The following FSTL5 variants were observed in gnomAD, a reference collection of about 807,000 sequenced individuals.
The protein encoded by FSTL5 is follistatin-related protein 5.
A neutral mutation model predicts 89.1 loss-of-function variants in FSTL5; 62 were observed. The ratio of observed to expected loss-of-function variants is 0.70; its 90% CI spans 0.57 to 0.86. FSTL5 has a LOEUF of 0.86. Ranked by LOEUF, FSTL5 falls within the 40% of genes least tolerant of loss-of-function variation. The pLI, the probability that FSTL5 is intolerant of heterozygous loss-of-function variation, is 0.00. For synonymous variants in FSTL5, 383 were observed against 346.2 expected (o/e 1.11, Z -1.18); for missense variants, 1,057 against 1,001.6 (o/e 1.06, Z -0.75).
intron 4 of FSTL5, among the ~76,000 whole-genome samples, chr4:161,852,500 T>C (rs1412004936): frequency 2.0e-5 from 3 of 152,192 alleles, no homozygotes; most frequent in Non-Finnish European, 4.4e-5. Context: ...GGAATGGTTT[T>C]ACACTGTTGG....
At position 161,731,519 on chromosome 4, in the gene FSTL5, C is replaced by G. The variant is rs544537430; in HGVS notation, c.727+27892G>C. Among the ~76,000 whole-genome samples, 11 of 152,114 alleles carry G rather than the reference C, an allele frequency of 7.2e-5. No homozygotes were observed. In the East Asian group the frequency reaches 2.1e-3, roughly 29 times the overall value. ...TCCTGCTCTGCCTTGGTAAGATGTA[C>G]TAGCTTCCCTTCACCTTTACTATGA... is the stretch of plus-strand genomic sequence containing the variant. On this transcript the variant is annotated intron_variant, in intron 6 of 15. Coordinates refer to ENST00000306100, the MANE Select transcript of FSTL5 (RefSeq NM_020116.5).
chr4:161,950,143 A>C (rs538125182), intron 3 of FSTL5, among the ~76,000 whole-genome samples: 1 of 152,264 alleles, frequency 6.6e-6, no homozygotes, highest in East Asian at 1.9e-4. Flanking sequence ...ATTCAGTTAG[A>C]ATGAATTCAG....
intron 3 of FSTL5, among the ~76,000 whole-genome samples, chr4:161,945,367 A>C (rs1734706733): frequency 6.6e-6 from 1 of 152,212 alleles, no homozygotes; most frequent in African/African-American, 2.4e-5. Flanking sequence ...ACGGCACATA[A>C]GGATTTGACA....
intron 4 of FSTL5, among the ~76,000 whole-genome samples, chr4:161,878,981 T>C (rs528865406): frequency 6.6e-6 from 1 of 152,336 alleles, no homozygotes; most frequent in African/African-American, 2.4e-5. Context: ...ACTTGTCTCC[T>C]AAATGTAAAA....
At chr4:162,094,114 C>T (rs1277835620) in intron 2 of FSTL5, among the ~76,000 whole-genome samples, 1 of 152,122 alleles carries the variant, frequency 6.6e-6, no homozygotes, top group African/African-American at 2.4e-5. Flanking sequence ...AAAGGCTGGG[C>T]ATGGTAACTC....
intron 13 of FSTL5, among the ~76,000 whole-genome samples, chr4:161,476,406 C>T (rs1446477312): frequency 1.5e-4 from 23 of 151,848 alleles, no homozygotes; most frequent in Admixed American, 1.2e-3. Flanking sequence ...AGGTTGGTCT[C>T]GAACTCCTGA....
chr4:161,424,177 C>T (rs918727379), intron 15 of FSTL5, among the ~76,000 whole-genome samples: 2 of 151,450 alleles, frequency 1.3e-5, no homozygotes, highest in African/African-American at 4.9e-5. Context: ...ACGCCCAGCC[C>T]TTTCCTAGTA....
intron 7 of FSTL5, among the ~76,000 whole-genome samples, chr4:161,599,038 C>G (rs981585136): frequency 6.6e-6 from 1 of 151,760 alleles, no homozygotes; most frequent in Non-Finnish European, 1.5e-5. Flanking sequence ...AATACATTAT[C>G]AAAACAGTGA....
intron 4 of FSTL5, among the ~76,000 whole-genome samples, chr4:161,788,302 A>C (rs1741983696): frequency 6.6e-6 from 1 of 152,194 alleles, no homozygotes; most frequent in Admixed American, 6.5e-5. Context: ...GAAGTATACT[A>C]TACATTATTG....
intron 2 of FSTL5, among the ~76,000 whole-genome samples, chr4:162,062,474 C>G (rs1479377537): frequency 3.3e-5 from 5 of 151,730 alleles, no homozygotes; most frequent in African/African-American, 1.2e-4. Context: ...ACCGGCCTTC[C>G]TGCCTTAGAA....
intron 12 of FSTL5, among the ~76,000 whole-genome samples, chr4:161,498,498 A>T (rs1003722082): frequency 6.6e-6 from 1 of 152,150 alleles, no homozygotes. Flanking sequence ...TAAATTTGCA[A>T]ATCAGATTCC....
At chr4:161,508,382 T>C (rs1465180977) in intron 11 of FSTL5, among the ~76,000 whole-genome samples, 2 of 152,144 alleles carry the variant, frequency 1.3e-5, no homozygotes, top group Non-Finnish European at 2.9e-5. Flanking sequence ...AAAAAAAGAC[T>C]TTAATAATTT....
chr4:161,998,598 T>C (rs1398541739), intron 3 of FSTL5, among the ~76,000 whole-genome samples: 1 of 152,158 alleles, frequency 6.6e-6, no homozygotes, highest in African/African-American at 2.4e-5. Context: ...TTGAATGAAG[T>C]CTTCCTTGAC....
chr4:161,605,402 T>G (rs113251267), intron 7 of FSTL5, among the ~76,000 whole-genome samples: 134 of 152,294 alleles, frequency 8.8e-4, no homozygotes, highest in African/African-American at 3.1e-3. Flanking sequence ...CCTAAAGATA[T>G]GTATATCTTA....
intron 10 of FSTL5, among the ~76,000 whole-genome samples, chr4:161,519,188 A>G (rs541989988): frequency 2.4e-4 from 37 of 152,172 alleles, no homozygotes; most frequent in Non-Finnish European, 4.4e-4. Flanking sequence ...AAGAGATTGC[A>G]AGGGTGTGTA....
chr4:161,813,090 A>C (rs112791494), intron 4 of FSTL5, among the ~76,000 whole-genome samples: 14 of 151,228 alleles, frequency 9.3e-5, no homozygotes, highest in African/African-American at 3.4e-4. Flanking sequence ...GCAGTGACGC[A>C]ATCTCGGCTA....
intron 2 of FSTL5, among the ~76,000 whole-genome samples, chr4:162,056,384 G>A (rs1375645390): frequency 6.6e-6 from 1 of 151,562 alleles, no homozygotes; most frequent in Non-Finnish European, 1.5e-5. Flanking sequence ...CTATATTTTA[G>A]CATGCAGGTA....
At chr4:161,402,037 C>T (rs968514457) in intron 15 of FSTL5, among the ~76,000 whole-genome samples, 3 of 151,948 alleles carry the variant, frequency 2.0e-5, no homozygotes, top group Admixed American at 1.3e-4. Flanking sequence ...TTATAAAGTG[C>T]TTTTTCATAT....
chr4:162,147,306 C>T (rs75467326), intron 1 of FSTL5, among the ~76,000 whole-genome samples: 1 of 151,800 alleles, frequency 6.6e-6, no homozygotes, highest in Admixed American at 6.6e-5. Flanking sequence ...ATAGTTTCTC[C>T]TATTTCTCTT....
Sources: gnomAD v4.1 joint callset for allele counts (sites outside exome capture counted in the v4.1 genomes callset) on GRCh38, gnomAD v4.1.1 for gene constraint, MANE v1.5 for transcripts, NCBI Gene and HGNC (gene_info 2026-07-23, HGNC 2026-07-21) for gene names.